Variants in CMC2 observed in about 807,000 individuals in gnomAD.
CMC2 encodes COX assembly mitochondrial protein 2 homolog.
A neutral mutation model predicts 7.5 loss-of-function variants in CMC2; 5 were observed. The observed-to-expected ratio is 0.66, with a 90% CI of 0.35 to 1.40. The LOEUF (loss-of-function observed/expected upper bound fraction) is 1.40. Among genes scored for constraint, CMC2 ranks in the 40% most tolerant of loss-of-function variants. The pLI, the probability that CMC2 is intolerant of heterozygous loss-of-function variation, is 0.04. For missense variants in CMC2, 115 were observed against 92.3 expected (o/e 1.25, Z -1.01); for synonymous variants, 37 against 31.4 (o/e 1.18, Z -0.60).
intron 2 of CMC2, among the ~76,000 whole-genome samples, chr16:80,994,168 C>T (rs1292847398): frequency 6.6e-6 from 1 of 152,126 alleles, no homozygotes; most frequent in Non-Finnish European, 1.5e-5. Flanking sequence ...AACTTCAACT[C>T]ACACCTCATA....
At chr16:80,990,378 C>A (rs1967885465) in intron 2 of CMC2, among the ~76,000 whole-genome samples, 1 of 152,114 alleles carries the variant, frequency 6.6e-6, no homozygotes, top group Non-Finnish European at 1.5e-5. Flanking sequence ...TGATGTTGGC[C>A]AGGCTGGTCT....
At chr16:80,990,700 C>A (rs1274582270) in intron 2 of CMC2, among the ~76,000 whole-genome samples, 1 of 152,028 alleles carries the variant, frequency 6.6e-6, no homozygotes, top group East Asian at 1.9e-4. Context: ...GAAGTCATTA[C>A]ATGTTGGTTC....
At chr16:80,989,176 C>A (rs181093172) in intron 2 of CMC2, among the ~76,000 whole-genome samples, 5 of 152,292 alleles carry the variant, frequency 3.3e-5, no homozygotes, top group African/African-American at 1.2e-4. Flanking sequence ...ATTTAACTAT[C>A]CAATTATTTC....
chr16:81,003,416 T>C (rs1969011279), intron 1 of CMC2, among the ~76,000 whole-genome samples: 1 of 152,240 alleles, frequency 6.6e-6, no homozygotes, highest in Non-Finnish European at 1.5e-5. Context: ...TACAATGCAA[T>C]AACCTTATGA....
chr16:80,984,505 A>C (rs1967374841), intron 2 of CMC2, among the ~76,000 whole-genome samples: 1 of 152,216 alleles, frequency 6.6e-6, no homozygotes, highest in African/African-American at 2.4e-5. Context: ...CATAGACTAA[A>C]GTCTCCTATT....
intron 1 of CMC2, among the ~76,000 whole-genome samples, chr16:81,004,684 G>A (rs7202885): frequency 0.079 from 12,107 of 152,310 alleles, 612 homozygotes; most frequent in East Asian, 0.2. Flanking sequence ...AGTAAGCTGG[G>A]AGGGTAGAAG....
rs1050362496 is a variant in CMC2, at chr16:80,972,039, C to A, written c.*4054G>T. The A allele has an allele frequency of 1.3e-5, 2 of 152,192 alleles. No homozygotes were observed. The highest frequency in any genetic ancestry group is 2.9e-5 in the Non-Finnish European group (2 of 68,080). 9.4% of individuals were successfully genotyped at this position (152,192 alleles called of 1,614,324 possible). On this transcript the variant is annotated 3_prime_UTR_variant, in exon 4 of 4. Transcript: ENST00000219400. ...CCTGTCCTCCCATGTGACCAGCTGCCGGTGAGATCAGACTAGAGCTTAGAG... is the reference window on the plus strand; with the variant it reads ...CCTGTCCTCCCATGTGACCAGCTGCAGGTGAGATCAGACTAGAGCTTAGAG...
intron 2 of CMC2, among the ~76,000 whole-genome samples, chr16:80,992,466 G>T (rs1342270826): frequency 6.6e-6 from 1 of 152,168 alleles, no homozygotes; most frequent in African/African-American, 2.4e-5. Flanking sequence ...ACAATTTGCA[G>T]TCCCATCAGA....
chr16:80,988,087 G>A lies in CMC2; in HGVS notation c.82-6210C>T, dbSNP rs905824152. Among the ~76,000 whole-genome samples the A allele has an allele frequency of 7.9e-5, 12 of 152,238 alleles. No individual in the cohort carries two copies. In the South Asian group the frequency reaches 2.1e-3, roughly 26 times the overall value. ...TACTCCCATCTGCTCAGGAGGATGA[G>A]GCAGAAGGATCACTTGAGCCCAGGA... On this transcript the variant is annotated intron_variant, in intron 2 of 3. Coordinates refer to ENST00000219400, the MANE Select transcript of CMC2 (RefSeq NM_020188.5).
rs781551111 is a variant in CMC2 at position 80,970,835 on chromosome 16, A to G, written c.*5258T>C. On this transcript the variant is annotated 3_prime_UTR_variant, in exon 4 of 4. Transcript: ENST00000219400. ...CATGCCTATAATCCCTGCTTTATAA[A>G]AAAATTTTAAGAGATATTAGAATAA... The G allele has an allele frequency of 5.3e-5, 8 of 152,318 alleles. No individual in the cohort carries two copies. The highest frequency in any genetic ancestry group is 1.0e-4 in the Non-Finnish European group (7 of 68,022). 9.4% of individuals were successfully genotyped at this position (152,318 alleles called of 1,614,324 possible). A position where few individuals can be genotyped will look rare whatever the true frequency, so the allele number is the denominator to read the frequency against.
intron 1 of CMC2, among the ~76,000 whole-genome samples, chr16:81,000,891 C>T (rs867444878): frequency 6.6e-6 from 1 of 152,176 alleles, no homozygotes; most frequent in South Asian, 2.1e-4. Context: ...GAAAAACATG[C>T]ACTCATAAGT....
At position 81,004,421 on chromosome 16, in the gene CMC2, G is replaced by T. The variant is rs144587626; in HGVS notation, c.-36+2313C>A. Among the ~76,000 whole-genome samples, 594 of 152,300 alleles carry T rather than the reference G, an allele frequency of 3.9e-3. 5 individuals are homozygous for T. The highest frequency in any genetic ancestry group is 0.014 in the African/African-American group (576 of 41,562). On this transcript the variant is annotated intron_variant, in intron 1 of 3. Coordinates refer to ENST00000219400, the MANE Select transcript of CMC2 (RefSeq NM_020188.5). ...CTGGGAGCGACCCCAGGGACTGCCTGGGGAGGAAGGCTTAACTACTCTGAC... is the reference window on the plus strand; with the variant it reads ...CTGGGAGCGACCCCAGGGACTGCCTTGGGAGGAAGGCTTAACTACTCTGAC...
Position 80,972,430 on chromosome 16 carries a change from A to G in CMC2, c.*3663T>C, listed in dbSNP as rs1169119498. 2 of 152,154 alleles carry G rather than the reference A, an allele frequency of 1.3e-5. No homozygotes were observed. The highest frequency in any genetic ancestry group is 1.3e-4 in the Admixed American group (2 of 15,270). The allele number at this position is 152,154 out of a possible 1,614,324, so 9.4% of individuals were successfully genotyped here. ...TATGTCTACCAGGCAGATCAATGGC[A>G]TAATTTGGTTCAGCCCAAGCCCTTT... is the stretch of plus-strand genomic sequence containing the variant. On this transcript the variant is annotated 3_prime_UTR_variant, in exon 4 of 4. Transcript: ENST00000219400.
At position 80,992,883 on chromosome 16, in the gene CMC2, G is replaced by C. The variant is rs923916526; in HGVS notation, c.81+4431C>G. Among the ~76,000 whole-genome samples the C allele has an allele frequency of 2.6e-5, 4 of 151,952 alleles. No homozygotes were observed. The East Asian group carries it at 5.8e-4, about 22-fold the overall frequency. On this transcript the variant is annotated intron_variant, in intron 2 of 3. Transcript: ENST00000219400. ...TTATTTTTATTTTTTGTAGAGACAGGATCTTGCTATGTTGCCCAAGCTGGT... is the reference window on the plus strand; with the variant it reads ...TTATTTTTATTTTTTGTAGAGACAGCATCTTGCTATGTTGCCCAAGCTGGT...
Position 80,973,409 on chromosome 16 carries a change from G to A in CMC2, c.*2684C>T, listed in dbSNP as rs1912069249. On this transcript the variant is annotated 3_prime_UTR_variant, in exon 4 of 4. Transcript: ENST00000219400. ...TTGAGAGAAAAACAATATTGAGGGG[G>A]CCCTTACTTTGTGCCAGATAATCTA... 6.6e-6 allele frequency: 1 copy of A among 152,140 alleles called. No individual in the cohort carries two copies. Among genetic ancestry groups the A allele is most frequent in the African/African-American group, 2.4e-5 (1 of 41,436 alleles). 9.4% of individuals were successfully genotyped at this position (152,140 alleles called of 1,614,324 possible). A position where few individuals can be genotyped will look rare whatever the true frequency, so the allele number is the denominator to read the frequency against.
chr16:80,991,858 T>C, intron 2 of CMC2: 1 of 445,810 alleles, frequency 2.2e-6, no homozygotes, highest in Admixed American at 2.5e-5. Flanking sequence ...CCATTATGCC[T>C]CAAACCTTTT....
chr16:80,974,227 C>T lies in CMC2; in HGVS notation c.*1866G>A, dbSNP rs1482898313. The T allele has an allele frequency of 6.6e-6, 1 of 152,226 alleles. No individual in the cohort carries two copies. Among genetic ancestry groups the T allele is most frequent in the Non-Finnish European group, 1.5e-5 (1 of 68,078 alleles). 9.4% of individuals were successfully genotyped at this position (152,226 alleles called of 1,614,324 possible). On this transcript the variant is annotated 3_prime_UTR_variant, in exon 4 of 4. Coordinates refer to ENST00000219400, the MANE Select transcript of CMC2 (RefSeq NM_020188.5). ...TGCTTGAATCGTCACTCCTCCTAAT[C>T]CCCAAAGCCACATCTTTCATCCAGG...
chr16:80,980,749 A>C (rs1967047362), intron 3 of CMC2: 1 of 671,730 alleles, frequency 1.5e-6, no homozygotes. Flanking sequence ...TAAAACCTTA[A>C]CCAGGCATGG....
At position 80,981,113 on chromosome 16, in the gene CMC2, G is replaced by T. The variant is rs533141168; in HGVS notation, c.153+693C>A. Among the ~76,000 whole-genome samples, 437 of 149,096 alleles carry T rather than the reference G, an allele frequency of 2.9e-3. 5 individuals are homozygous for T. Among genetic ancestry groups the T allele is most frequent in the South Asian group, 0.027 (127 of 4,742 alleles). ...AAAAAAGTTCAAAAATAACAAAAAT[G>T]ATATCTGAAAGGCAAAATTTTAGCC... is the stretch of plus-strand genomic sequence containing the variant. On this transcript the variant is annotated intron_variant, in intron 3 of 3. Transcript: ENST00000219400.
Sources: allele counts gnomAD v4.1 joint callset (sites outside exome capture counted in the v4.1 genomes callset), GRCh38; gene constraint gnomAD v4.1.1; transcripts MANE v1.5; gene names NCBI Gene and HGNC (gene_info 2026-07-23, HGNC 2026-07-21).